GPD2: variants seen among roughly 807,000 people sequenced by gnomAD.
GPD2 encodes glycerol-3-phosphate dehydrogenase 2.
In GPD2, 54 loss-of-function variants were observed where a neutral mutation model predicts 82.4. The observed-to-expected ratio is 0.66, with a 90% CI of 0.53 to 0.82. The LOEUF is 0.82. Among genes scored for constraint, GPD2 ranks in the 40% least tolerant of loss-of-function variants. The pLI, the probability that GPD2 is intolerant of heterozygous loss-of-function variation, is 0.00. For synonymous variants in GPD2, 288 were observed against 306.1 expected (o/e 0.94, Z 0.62); for missense variants, 748 against 896.2 (o/e 0.83, Z 2.11).
chr2:156,439,520 A>AAAAAAAAAAAAAC (rs1682070174), intron 1 of GPD2, among the ~76,000 whole-genome samples: 1 of 84,946 alleles, frequency 1.2e-5, no homozygotes, highest in East Asian at 3.2e-4. Context: ...TCAGAAAAAA[A>AAAAAAAAAAAAAC]AAAAAAAAAA....
chr2:156,513,799 T>A (rs914326415), intron 6 of GPD2, among the ~76,000 whole-genome samples: 7 of 152,198 alleles, frequency 4.6e-5, no homozygotes, highest in Non-Finnish European at 1.5e-5. Flanking sequence ...CCTCATGCCA[T>A]GTAATTTGTT....
intron 2 of GPD2, among the ~76,000 whole-genome samples, chr2:156,492,147 C>CTT (rs770947790): frequency 0.027 from 2,076 of 75,574 alleles, 82 homozygotes; most frequent in East Asian, 0.041. Context: ...CCCTCCCTAC[C>CTT]TTTTTTTTTT....
Position 156,550,622 on chromosome 2 carries a change from G to A in GPD2, c.847G>A (p.Ala283Thr). 1.2e-6 allele frequency: 2 copies of A among 1,614,102 alleles called. No individual in the cohort carries two copies. The highest frequency in any genetic ancestry group is 1.7e-6 in the Non-Finnish European group (2 of 1,179,946). ...VLTGQEFDVRAKCVINATGPF... is the reference protein window; with the variant it reads ...VLTGQEFDVRTKCVINATGPF... ...CACAGGGCAGGAATTTGACGTGAGAGCCAAATGTGTTATCAATGCCACGGG... is the reference window on the plus strand; with the variant it reads ...CACAGGGCAGGAATTTGACGTGAGAACCAAATGTGTTATCAATGCCACGGG... The change falls in exon 8 of 17, where the codon GCC becomes ACC. Residue 283 changes from alanine (A) to threonine (T), a missense_variant. Physicochemically the swap from Ala to Thr is moderately conservative, Grantham distance 58. Around this residue, in one of 3 missense-constraint regions of GPD2, gnomAD observed 692 missense variants for 809.7 expected, o/e 0.85. Coordinates refer to ENST00000438166, the MANE Select transcript of GPD2 (RefSeq NM_000408.5).
At chr2:156,565,798 CAT>C (rs2105357944) in intron 9 of GPD2, among the ~76,000 whole-genome samples, 1 of 151,782 alleles carries the variant, frequency 6.6e-6, no homozygotes, top group Admixed American at 6.6e-5. Context: ...TGTCATCCAA[CAT>C]AGCTTGTTTT....
At position 156,586,083 on chromosome 2, in the gene GPD2, G is replaced by A. The variant is rs1433071085; in HGVS notation, c.*3165G>A. 1.3e-5 allele frequency: 2 copies of A among 152,390 alleles called. No individual in the cohort carries two copies. The highest frequency in any genetic ancestry group is 2.9e-5 in the Non-Finnish European group (2 of 67,936). The allele number at this position is 152,390 out of a possible 1,614,324, so 9.4% of individuals were successfully genotyped here. A position where few individuals can be genotyped will look rare whatever the true frequency, so the allele number is the denominator to read the frequency against. ...TGCATTTATAGAGCAATAAGAGGAT[G>A]TATTTAATGTGCCTTGTTTTTAACT... On this transcript the variant is annotated 3_prime_UTR_variant, in exon 17 of 17. Transcript: ENST00000438166.
In GPD2 at chr2:156,557,487, C is replaced by G. The variant is rs1687005459; in HGVS notation, c.1070C>G (p.Thr357Ser). The G allele has an allele frequency of 1.3e-6, 2 of 1,597,460 alleles. No homozygotes were observed. Among genetic ancestry groups the G allele is most frequent in the African/African-American group, 1.3e-5 (1 of 74,544 alleles). ...QKMTIAGTTDTPTDVTHHPIP... is the reference protein window; with the variant it reads ...QKMTIAGTTDSPTDVTHHPIP... ...ATGACGATCGCTGGCACTACTGATACTCCAACTGATGTTACACACCATCCA... is the reference window on the plus strand; with the variant it reads ...ATGACGATCGCTGGCACTACTGATAGTCCAACTGATGTTACACACCATCCA... The change falls in exon 9 of 17, where the codon ACT (threonine) becomes AGT (serine). Residue 357 changes from threonine to serine, a missense_variant. Thr to Ser is a moderately conservative substitution (Grantham distance 58). Around this residue, in one of 3 missense-constraint regions of GPD2, gnomAD observed 692 missense variants for 809.7 expected, o/e 0.85. Coordinates refer to ENST00000438166, the MANE Select transcript of GPD2 (RefSeq NM_000408.5).
intron 1 of GPD2, among the ~76,000 whole-genome samples, chr2:156,471,919 A>G (rs1683343253): frequency 6.6e-6 from 1 of 152,240 alleles, no homozygotes; most frequent in Non-Finnish European, 1.5e-5. Context: ...GGTTTTGCCA[A>G]CTGAGCTGGT....
intron 9 of GPD2, among the ~76,000 whole-genome samples, chr2:156,562,024 A>G (rs1459571102): frequency 6.6e-6 from 1 of 152,182 alleles, no homozygotes; most frequent in East Asian, 1.9e-4. Flanking sequence ...TTTCATATTG[A>G]GTTAGGAAGA....
chr2:156,558,281 T>C (rs1488550857), intron 9 of GPD2, among the ~76,000 whole-genome samples: 1 of 152,184 alleles, frequency 6.6e-6, no homozygotes, highest in African/African-American at 2.4e-5. Flanking sequence ...GGTGTGCTTA[T>C]TTTTGGTATC....
chr2:156,579,376 G>T (rs1687947033), intron 15 of GPD2, among the ~76,000 whole-genome samples: 1 of 146,640 alleles, frequency 6.8e-6, no homozygotes, highest in Non-Finnish European at 1.5e-5. Context: ...GCCCAGGATG[G>T]TGTGCAGTGT....
chr2:156,433,758 G>A (rs1014388998), upstream of GPD2, among the ~76,000 whole-genome samples: 5 of 152,178 alleles, frequency 3.3e-5, no homozygotes, highest in African/African-American at 1.2e-4. Flanking sequence ...ACATAGTATG[G>A]ATTGGACCAG....
At chr2:156,521,172 TA>T in intron 6 of GPD2, among the ~76,000 whole-genome samples, 2 of 152,230 alleles carry the variant, frequency 1.3e-5, no homozygotes, top group East Asian at 3.9e-4. Flanking sequence ...CATAATGGAG[TA>T]AAACACAGCA....
the GPD2 span, among the ~76,000 whole-genome samples, chr2:156,424,437 A>G: frequency 1.3e-5 from 2 of 152,242 alleles, no homozygotes; most frequent in Non-Finnish European, 2.9e-5. Context: ...TACTCCAGAC[A>G]AATCCATAGC....
chr2:156,477,615 T>G (rs969453994), intron 2 of GPD2, among the ~76,000 whole-genome samples: 12 of 152,222 alleles, frequency 7.9e-5, no homozygotes, highest in Non-Finnish European at 1.2e-4. Flanking sequence ...TTCTGAACTG[T>G]GAGGACATCA....
the GPD2 span, among the ~76,000 whole-genome samples, chr2:156,422,267 T>G: frequency 3.3e-5 from 5 of 152,286 alleles, no homozygotes; most frequent in East Asian, 9.6e-4. Context: ...TCCTCAAATC[T>G]TGTCATGATG....
chr2:156,492,018 T>TA (rs200337320), intron 2 of GPD2, among the ~76,000 whole-genome samples: 143 of 133,856 alleles, frequency 1.1e-3, no homozygotes, highest in South Asian at 1.7e-3. Flanking sequence ...AGACTCCATC[T>TA]AAAAAAAAAA....
chr2:156,436,065 C>T (rs1195179338), upstream of GPD2, among the ~76,000 whole-genome samples: 1 of 152,206 alleles, frequency 6.6e-6, no homozygotes. Flanking sequence ...CGACCCCACC[C>T]GGCGGCAGGA....
intron 3 of GPD2, 89 bp downstream of exon 3, chr2:156,496,304 T>C (rs1684376764): frequency 1.1e-6 from 1 of 886,230 alleles, no homozygotes; most frequent in South Asian, 1.4e-5. Flanking sequence ...GTGTGTGCCA[T>C]GGTGGTTTGC....
rs149796386 is a variant in GPD2, at chr2:156,553,961, C to A, written c.971+3215C>A. Among the ~76,000 whole-genome samples, 7 of 152,212 alleles carry A rather than the reference C, an allele frequency of 4.6e-5. No homozygotes were observed. In the East Asian group the frequency reaches 1.3e-3, roughly 29 times the overall value. On this transcript the variant is annotated intron_variant, in intron 8 of 16. Coordinates refer to ENST00000438166, the MANE Select transcript of GPD2 (RefSeq NM_000408.5). ...TTCTATGTTGGGAGAAATTAATATC[C>A]CCATTTTTGGCACTGTGAGCTATAA...
Sources: allele counts gnomAD v4.1 joint callset (sites outside exome capture counted in the v4.1 genomes callset), GRCh38; gene constraint gnomAD v4.1.1; regional missense constraint gnomAD v4.1.1; transcripts MANE v1.5; gene names NCBI Gene and HGNC (gene_info 2026-07-23, HGNC 2026-07-21).